The following FMO5 variants were observed in gnomAD, a reference collection of about 807,000 sequenced individuals.
FMO5 encodes flavin containing dimethylaniline monoxygenase 5.
FMO5 carries 51 observed loss-of-function variants against 43.6 expected under a neutral mutation model. The ratio of observed to expected loss-of-function variants is 1.17; its 90% CI spans 0.93 to 1.48. The LOEUF is 1.48. Ranked by LOEUF, FMO5 falls within the 40% of genes most tolerant of loss-of-function variation. The probability of loss-of-function intolerance (pLI) is 0.00; values close to 1 mark genes in which losing one functional copy is unlikely to be tolerated. For synonymous variants in FMO5, 187 were observed against 216.5 expected (o/e 0.86, Z 1.20); for missense variants, 644 against 643.0 (o/e 1.00, Z -0.02).
In FMO5 at chr1:147,211,440, A is replaced by G. The variant is rs1661051554; in HGVS notation, c.630+953T>C. ...ATTAATTTATGAAGTATCATATGAAATAATTTTTGTGGTTATAGATGAGGA... is the reference window on the plus strand; with the variant it reads ...ATTAATTTATGAAGTATCATATGAAGTAATTTTTGTGGTTATAGATGAGGA... On this transcript the variant is annotated intron_variant, in intron 5 of 8. Coordinates refer to ENST00000254090, the MANE Select transcript of FMO5 (RefSeq NM_001461.4). 2.0e-5 allele frequency: 3 copies of G among 152,306 alleles called. No individual in the cohort carries two copies. In the South Asian group the frequency reaches 6.2e-4, roughly 32 times the overall value. 9.4% of individuals were successfully genotyped at this position (152,306 alleles called of 1,614,324 possible).
At chr1:147,216,519 C>G (rs1227900837) in intron 2 of FMO5, among the ~76,000 whole-genome samples, 4 of 152,130 alleles carry the variant, frequency 2.6e-5, no homozygotes, top group Non-Finnish European at 4.4e-5. Flanking sequence ...CCAGCGTTTT[C>G]TGGAGAGCAG....
chr1:147,217,066 C>A (rs587711237), intron 2 of FMO5, among the ~76,000 whole-genome samples: 1 of 150,948 alleles, frequency 6.6e-6, no homozygotes, highest in Non-Finnish European at 1.5e-5. Context: ...CATGGAGAAA[C>A]CCTGTCTCTA....
intron 2 of FMO5, chr1:147,223,766 T>G (rs1316493925): frequency 1.6e-5 from 4 of 242,624 alleles, no homozygotes; most frequent in African/African-American, 9.3e-5. Context: ...TATCCTTTTA[T>G]AAGCTGCTGA....
intron 7 of FMO5, among the ~76,000 whole-genome samples, chr1:147,198,791 C>A (rs1021914269): frequency 7.3e-6 from 1 of 136,290 alleles, no homozygotes; most frequent in Middle Eastern, 5.2e-3. Flanking sequence ...GTGGAACTTG[C>A]AGTGGGCCGA....
chr1:147,212,463 C>T lies in FMO5; in HGVS notation c.560G>A (p.Arg187Lys), dbSNP rs781850993. The change falls in exon 5 of 9, where the codon AGA becomes AAA. Residue 187 changes from arginine to lysine, a missense_variant. Physicochemically the swap from Arg to Lys is conservative, Grantham distance 26 (BLOSUM62 2). Coordinates refer to ENST00000254090, the MANE Select transcript of FMO5 (RefSeq NM_001461.4). ...YKNPEGFTGKRVIIIGIGNSG... is the reference protein window; with the variant it reads ...YKNPEGFTGKKVIIIGIGNSG... ...ATTCCCAATGCCAATTATAATGACT[C>T]TCTTTCCAGTGAATCCCTCTGGGTT... The T allele has an allele frequency of 1.2e-6, 2 of 1,613,974 alleles. No individual in the cohort carries two copies. Among genetic ancestry groups the T allele is most frequent in the Admixed American group, 3.3e-5 (2 of 60,028 alleles).
chr1:147,213,291 C>T lies in FMO5; in HGVS notation c.487+17G>A, dbSNP rs1452119804. On this transcript the variant is annotated intron_variant, in intron 4 of 8. Transcript: ENST00000254090. ...CAGGCATGGGTCAAGGGTCTTCCTTCCTGGTAAGCTGCTCACCAGGGAAGC... is the reference window on the plus strand; with the variant it reads ...CAGGCATGGGTCAAGGGTCTTCCTTTCTGGTAAGCTGCTCACCAGGGAAGC... 1 of 1,591,552 alleles carries T rather than the reference C, an allele frequency of 6.3e-7. No individual in the cohort carries two copies. Among genetic ancestry groups the T allele is most frequent in the Admixed American group, 1.7e-5 (1 of 58,412 alleles).
chr1:147,191,363 A>C (rs1444104973), intron 7 of FMO5, among the ~76,000 whole-genome samples: 1 of 152,028 alleles, frequency 6.6e-6, no homozygotes, highest in Non-Finnish European at 1.5e-5. Context: ...CTGACTTTTT[A>C]ATGATCGCCA....
At chr1:147,189,015 C>T (rs1553917858) in intron 8 of FMO5, among the ~76,000 whole-genome samples, 2 of 152,118 alleles carry the variant, frequency 1.3e-5, no homozygotes, top group African/African-American at 4.8e-5. Context: ...GTGGCTCATG[C>T]CTGTAATCCC....
In FMO5 at chr1:147,220,101, G is replaced by A. The variant is rs587757682; in HGVS notation, c.136-4159C>T. On this transcript the variant is annotated intron_variant, in intron 2 of 8. Coordinates refer to ENST00000254090, the MANE Select transcript of FMO5 (RefSeq NM_001461.4). ...GATCCACCCACCTCGGCCTCCCAAA[G>A]TGCTGGGATTACAGGCATGAGCCAT... Among the ~76,000 whole-genome samples, 7 of 152,254 alleles carry A rather than the reference G, an allele frequency of 4.6e-5. No homozygotes were observed. The East Asian group carries it at 1.4e-3, about 29-fold the overall frequency.
chr1:147,201,011 A>G (rs1293425801), intron 7 of FMO5, 141 bp downstream of exon 7: 2 of 669,906 alleles, frequency 3.0e-6, no homozygotes, highest in Admixed American at 3.1e-5. Flanking sequence ...GATTCACTCA[A>G]AAATATATTT....
chr1:147,209,093 C>T lies in FMO5; in HGVS notation c.631-42G>A, dbSNP rs200131256. The T allele has an allele frequency of 1.4e-5, 21 of 1,553,948 alleles. No individual in the cohort carries two copies. In the African/African-American group the frequency reaches 1.9e-4, roughly 14 times the overall value. On this transcript the variant is annotated intron_variant, in intron 5 of 8. Coordinates refer to ENST00000254090, the MANE Select transcript of FMO5 (RefSeq NM_001461.4). ...ATTGTTTGCTTTTGTCACTCAGATT[C>T]GTAAACCTTCAAAAGCACCCCCATT... is the stretch of plus-strand genomic sequence containing the variant.
intron 7 of FMO5, among the ~76,000 whole-genome samples, chr1:147,192,161 T>G (rs1553918694): frequency 6.6e-6 from 1 of 152,156 alleles, no homozygotes; most frequent in East Asian, 1.9e-4. Flanking sequence ...TGTTCTTCCA[T>G]TTCTTTGTAT....
intron 5 of FMO5, among the ~76,000 whole-genome samples, chr1:147,211,972 C>G (rs1661148916): frequency 6.6e-6 from 1 of 152,192 alleles, no homozygotes; most frequent in African/African-American, 2.4e-5. Flanking sequence ...TGAAAAGTTT[C>G]CAATGATCAC....
chr1:147,214,536 C>T (rs908359649), intron 3 of FMO5, among the ~76,000 whole-genome samples: 3 of 151,900 alleles, frequency 2.0e-5, no homozygotes, highest in Non-Finnish European at 4.4e-5. Context: ...GTTCCTCTAT[C>T]ATGTTCTTTT....
intron 2 of FMO5, chr1:147,223,528 C>T (rs1663433967): frequency 6.6e-6 from 1 of 152,546 alleles, no homozygotes; most frequent in African/African-American, 2.4e-5. Flanking sequence ...TAAAAGCAAA[C>T]CCGTTCTCCT....
intron 6 of FMO5, among the ~76,000 whole-genome samples, chr1:147,206,749 A>G (rs1314353873): frequency 6.6e-6 from 1 of 152,054 alleles, no homozygotes; most frequent in Non-Finnish European, 1.5e-5. Context: ...AACATCACAC[A>G]CCAGGGCCTG....
intron 3 of FMO5, among the ~76,000 whole-genome samples, chr1:147,213,812 C>T (rs967409281): frequency 6.6e-6 from 1 of 152,124 alleles, no homozygotes; most frequent in African/African-American, 2.4e-5. Flanking sequence ...GCACTAAATG[C>T]CTATTCTTCT....
chr1:147,197,502 G>T (rs1658213802), intron 7 of FMO5, among the ~76,000 whole-genome samples: 1 of 152,088 alleles, frequency 6.6e-6, no homozygotes, highest in Admixed American at 6.5e-5. Flanking sequence ...GGCCTGGTGG[G>T]AGGTGATTTA....
At chr1:147,188,434 A>G (rs1325958876) in intron 8 of FMO5, among the ~76,000 whole-genome samples, 1 of 150,114 alleles carries the variant, frequency 6.7e-6, no homozygotes, top group East Asian at 2.0e-4. Context: ...GAGGCGGGAG[A>G]ATTGCTTGAC....
Sources: allele counts gnomAD v4.1 joint callset (sites outside exome capture counted in the v4.1 genomes callset), GRCh38; gene constraint gnomAD v4.1.1; transcripts MANE v1.5; gene names NCBI Gene and HGNC (gene_info 2026-07-23, HGNC 2026-07-21).